The following PAX9 variants were observed in gnomAD, a reference collection of about 807,000 sequenced individuals.
The protein encoded by PAX9 is paired box 9.
Under a neutral mutation model 29.1 loss-of-function variants are expected in PAX9, and 6 were observed. That is an observed-to-expected ratio of 0.21 (90% CI 0.11 to 0.41). The LOEUF (loss-of-function observed/expected upper bound fraction) is 0.41, where lower values mean the gene tolerates loss of function less well. Ranked by LOEUF, PAX9 falls within the 10% of genes least tolerant of loss-of-function variation. PAX9 has a pLI of 1.00. For missense variants in PAX9, 443 were observed against 479.1 expected, an observed-to-expected ratio of 0.92 and a Z score of 0.70; for synonymous variants, 217 against 211.7, an observed-to-expected ratio of 1.03 and a Z score of -0.22.
intron 3 of PAX9, chr14:36,671,100 C>G (rs1329793652): frequency 2.3e-6 from 1 of 433,344 alleles, no homozygotes; most frequent in Non-Finnish European, 4.6e-6. Context: ...CTAGGTGAAG[C>G]ACATCTCTAT....
chr14:36,657,698 G>A (rs1302585201), upstream of PAX9: 1 of 152,180 alleles, frequency 6.6e-6, no homozygotes, highest in African/African-American at 2.4e-5. Context: ...TTCCGAGCTC[G>A]GGCCCGACCC....
intron 3 of PAX9, among the ~76,000 whole-genome samples, chr14:36,669,885 T>C (rs1420435716): frequency 6.6e-6 from 1 of 152,076 alleles, no homozygotes; most frequent in Non-Finnish European, 1.5e-5. Flanking sequence ...TTGGCTTTTT[T>C]ATACCCACAG....
Position 36,679,183 on chromosome 14 carries a change from T to C in PAX9, c.*2731T>C, listed in dbSNP as rs1882065060. 1 of 985,124 alleles carries C rather than the reference T, an allele frequency of 1.0e-6. No individual in the cohort carries two copies. Among genetic ancestry groups the C allele is most frequent in the Non-Finnish European group, 1.2e-6 (1 of 829,788 alleles). 61.0% of individuals were successfully genotyped at this position (985,124 alleles called of 1,614,324 possible). On this transcript the variant is annotated 3_prime_UTR_variant, in exon 4 of 4. Coordinates refer to ENST00000361487, the MANE Select transcript of PAX9 (RefSeq NM_001372076.1). ...AACAGAGACACATTCTTATTTCTTT[T>C]TTTTCACAATTTTGTTTTGTTTTTA...
chr14:36,662,500 C>T (rs1881313916), intron 1 of PAX9: 3 of 386,972 alleles, frequency 7.8e-6, no homozygotes, highest in Non-Finnish European at 9.2e-6. Context: ...GGCCGGGTCT[C>T]CAGAAGGAAC....
At chr14:36,661,559 G>T, upstream of PAX9, 1 of 179,020 alleles carries the variant, frequency 5.6e-6, no homozygotes, top group Non-Finnish European at 1.2e-5. Flanking sequence ...GGTCTCCTCG[G>T]GCCCCTTCTC....
upstream of PAX9, chr14:36,661,820 G>A: frequency 1.8e-6 from 1 of 553,438 alleles, no homozygotes; most frequent in East Asian, 3.2e-5. Flanking sequence ...TTTAGGGCGT[G>A]TCCCCAGTGA....
chr14:36,678,192 G>T lies in PAX9; in HGVS notation c.*1740G>T. The T allele has an allele frequency of 2.2e-6, 1 of 461,046 alleles. No homozygotes were observed. The highest frequency in any genetic ancestry group is 3.9e-6 in the Non-Finnish European group (1 of 255,628). 28.6% of individuals were successfully genotyped at this position (461,046 alleles called of 1,614,324 possible). A position where few individuals can be genotyped will look rare whatever the true frequency, so the allele number is the denominator to read the frequency against. On this transcript the variant is annotated 3_prime_UTR_variant, in exon 4 of 4. Transcript: ENST00000361487. ...GCGGTTCCACCACATCGGTTTCGTG[G>T]CTTCGTTTAAAACTCAGATGGCTAG...
Position 36,676,535 on chromosome 14 carries a change from C to T in PAX9, c.*83C>T. 1 of 1,489,868 alleles carries T rather than the reference C, an allele frequency of 6.7e-7. No individual in the cohort carries two copies. The highest frequency in any genetic ancestry group is 1.2e-5 in the South Asian group (1 of 86,278). 92.3% of individuals were successfully genotyped at this position (1,489,868 alleles called of 1,614,324 possible). On this transcript the variant is annotated 3_prime_UTR_variant, in exon 4 of 4. Transcript: ENST00000361487. ...CCCAATTCCCAGGTCTCACATCCCA[C>T]CCCTCCTGCCCTCCAACCCTTCTGC... is the stretch of plus-strand genomic sequence containing the variant.
Position 36,676,169 on chromosome 14 carries a change from A to AT in PAX9, c.772-24dup, listed in dbSNP as rs147968235. 6.6e-4 allele frequency: 1,071 copies of AT among 1,613,244 alleles called. 6 individuals are homozygous for AT. The African/African-American group carries it at 0.013, about 20-fold the overall frequency. On this transcript the variant is annotated intron_variant, in intron 3 of 3. Transcript: ENST00000361487. ...AAATGTTCACTCCTATAATGTGATTATTTTTCACTTCTTTTCTACTCCTCT... is the reference window on the plus strand; with the variant it reads ...AAATGTTCACTCCTATAATGTGATTATTTTTTCACTTCTTTTCTACTCCTCT...
Position 36,662,009 on chromosome 14 carries a change from A to T in PAX9, c.-81A>T. 1 of 1,538,180 alleles carries T rather than the reference A, an allele frequency of 6.5e-7. No individual in the cohort carries two copies. Among genetic ancestry groups the T allele is most frequent in the Non-Finnish European group, 8.8e-7 (1 of 1,135,920 alleles). ...GCCGGCGGTCGGCCGGGATAGCAAC[A>T]GGCCGGGCCACTGAGGCGGTGCGGA... is the stretch of plus-strand genomic sequence containing the variant. On this transcript the variant is annotated 5_prime_UTR_variant, in exon 1 of 4. Transcript: ENST00000361487.
chr14:36,664,191 CTCTT>C (rs1230855277), intron 2 of PAX9, among the ~76,000 whole-genome samples: 3 of 152,238 alleles, frequency 2.0e-5, no homozygotes, highest in Non-Finnish European at 2.9e-5. Context: ...CTCTCTCTCT[CTCTT>C]TCTCTCTCCA....
rs373446060 is a variant in PAX9, at chr14:36,663,423, C to T, written c.531C>T (p.Pro177=). The part of the protein sequence containing the change: ...TAAAAKVPTP[P]GVPAIPGSVA... Reference sequence around the variant, plus strand: ...CGGCCGCCAAGGTGCCCACGCCACCCGGGGTGCCTGCCATCCCCGGTTCGG... The same window carrying T: ...CGGCCGCCAAGGTGCCCACGCCACCTGGGGTGCCTGCCATCCCCGGTTCGG... The change falls in exon 2 of 4, where the codon CCC becomes CCT. Residue 177 remains proline (P), a synonymous_variant. Transcript: ENST00000361487. 5.0e-6 allele frequency: 8 copies of T among 1,613,040 alleles called. No homozygotes were observed. In the East Asian group the frequency reaches 1.1e-4, roughly 22 times the overall value.
chr14:36,662,786 T>C (rs753360480), intron 1 of PAX9, 111 bp from the exon 2 acceptor site: 5 of 1,321,482 alleles, frequency 3.8e-6, no homozygotes, highest in Non-Finnish European at 5.3e-6. Flanking sequence ...CAGTAGTTAG[T>C]AGGGGACGGG....
intron 3 of PAX9, among the ~76,000 whole-genome samples, chr14:36,674,485 A>G (rs1217413482): frequency 6.6e-6 from 1 of 152,214 alleles, no homozygotes; most frequent in Non-Finnish European, 1.5e-5. Flanking sequence ...ATAAGATTTC[A>G]TTTGTATTCA....
At position 36,679,257 on chromosome 14, in the gene PAX9, C is replaced by A. The variant is rs1349497730; in HGVS notation, c.*2805C>A. The A allele has an allele frequency of 1.0e-6, 1 of 983,272 alleles. No individual in the cohort carries two copies. Among genetic ancestry groups the A allele is most frequent in the Non-Finnish European group, 1.2e-6 (1 of 828,236 alleles). The allele number at this position is 983,272 out of a possible 1,614,324, so 60.9% of individuals were successfully genotyped here. A position where few individuals can be genotyped will look rare whatever the true frequency, so the allele number is the denominator to read the frequency against. ...ACTGAAATATAAATTTTAAAAAACA[C>A]GTTGGAAAGGATGTACAACAGAAGG... On this transcript the variant is annotated 3_prime_UTR_variant, in exon 4 of 4. Transcript: ENST00000361487.
At chr14:36,672,358 C>T (rs148852422) in intron 3 of PAX9, among the ~76,000 whole-genome samples, 6 of 152,052 alleles carry the variant, frequency 3.9e-5, no homozygotes, top group African/African-American at 7.2e-5. Flanking sequence ...AACATTAAAC[C>T]GATTTGGGAC....
intron 3 of PAX9, among the ~76,000 whole-genome samples, chr14:36,666,943 C>T (rs1450620531): frequency 6.6e-6 from 1 of 152,172 alleles, no homozygotes. Flanking sequence ...TTCGGCGGCT[C>T]TCGTTGGGGG....
rs1881976061 is a variant in PAX9 at position 36,677,884 on chromosome 14, A to ATGTG, written c.*1434_*1437dup. The ATGTG allele has an allele frequency of 6.6e-6, 1 of 152,578 alleles. No individual in the cohort carries two copies. The highest frequency in any genetic ancestry group is 2.4e-5 in the African/African-American group (1 of 41,424). The allele number at this position is 152,578 out of a possible 1,614,324, so 9.5% of individuals were successfully genotyped here. On this transcript the variant is annotated 3_prime_UTR_variant, in exon 4 of 4. Coordinates refer to ENST00000361487, the MANE Select transcript of PAX9 (RefSeq NM_001372076.1). The stretch of plus-strand genomic sequence containing the variant: ...TATATGTGTGTGTGAGCATGTGAGT[A>ATGTG]TGTGTTGTATTTTAAAACAATTGAT...
chr14:36,661,940 T>C lies in PAX9; in HGVS notation c.-150T>C, dbSNP rs1881284382. On this transcript the variant is annotated 5_prime_UTR_variant, in exon 1 of 4. Transcript: ENST00000361487. ...GGGGCACAGACTTCCTTTTACTTCT[T>C]CCTTTTGCCCTCTCGCCTCCTCCTC... The C allele has an allele frequency of 3.4e-6, 3 of 887,024 alleles. No homozygotes were observed. The highest frequency in any genetic ancestry group is 2.1e-5 in the Admixed American group (1 of 48,674). 54.9% of individuals were successfully genotyped at this position (887,024 alleles called of 1,614,324 possible).
Sources: allele counts gnomAD v4.1 joint callset (sites outside exome capture counted in the v4.1 genomes callset), GRCh38; gene constraint gnomAD v4.1.1; transcripts MANE v1.5; gene names NCBI Gene and HGNC (gene_info 2026-07-23, HGNC 2026-07-21).